The following ACOX3 variants were observed in gnomAD, a reference collection of about 807,000 sequenced individuals.
ACOX3 encodes the protein peroxisomal acyl-coenzyme A oxidase 3.
Under a neutral mutation model 81.5 loss-of-function variants are expected in ACOX3, and 73 were observed. The observed-to-expected ratio is 0.90, with a 90% CI of 0.74 to 1.09. ACOX3 has a LOEUF of 1.09. Among genes scored for constraint, ACOX3 ranks in the 50% least tolerant of loss-of-function variants. The pLI is 0.00. For synonymous variants in ACOX3, 387 were observed against 375.1 expected (o/e 1.03, Z -0.37); for missense variants, 947 against 928.0 (o/e 1.02, Z -0.27).
intron 1 of ACOX3, among the ~76,000 whole-genome samples, chr4:8,420,344 G>T (rs28527486): frequency 9.2e-5 from 14 of 152,232 alleles, no homozygotes; most frequent in African/African-American, 3.1e-4. Context: ...GTGCACCTTG[G>T]GGGTGATAAT....
chr4:8,377,468 A>G (rs1040213245), intron 14 of ACOX3, among the ~76,000 whole-genome samples: 1 of 152,066 alleles, frequency 6.6e-6, no homozygotes, highest in African/African-American at 2.4e-5. Flanking sequence ...TCGGCTCTGC[A>G]GCTCTGCGCG....
Position 8,416,397 on chromosome 4 carries a change from T to G in ACOX3, c.125A>C (p.Glu42Ala). 6.2e-7 allele frequency: 1 copy of G among 1,614,114 alleles called. No homozygotes were observed. The highest frequency in any genetic ancestry group is 8.5e-7 in the Non-Finnish European group (1 of 1,180,004). The change falls in exon 2 of 18, where the codon GAG becomes GCG. Residue 42 changes from glutamate to alanine, a missense_variant. Transcript: ENST00000356406. The surrounding 1 kb of genome is among the most constrained non-coding windows in gnomAD (Gnocchi z 4.2). ...WKELALFTEG[E>A]GMLRFKKTIF... is the part of the protein sequence containing the mutation. ...CCTCACCTTAAAGCGGAGCATGCCC[T>G]CCCCTTCCGTGAACAGCGCCAGCTC...
chr4:8,418,880 A>T lies in ACOX3; in HGVS notation c.-14-2345T>A, dbSNP rs145771756. ...GTCTCAAAGAAAACAAAACAAACAA[A>T]CAACAACAACAACAAAAACACAGAA... On this transcript the variant is annotated intron_variant, in intron 1 of 17. Coordinates refer to ENST00000356406, the MANE Select transcript of ACOX3 (RefSeq NM_003501.3). Among the ~76,000 whole-genome samples the T allele has an allele frequency of 2.3e-3, 349 of 152,246 alleles. 2 individuals are homozygous for T. Among genetic ancestry groups the T allele is most frequent in the South Asian group, 0.013 (64 of 4,830 alleles).
intron 15 of ACOX3, 53 bp downstream of exon 15, chr4:8,374,925 C>T (rs985068241): frequency 2.1e-6 from 3 of 1,451,798 alleles, no homozygotes; most frequent in Non-Finnish European, 2.7e-6. Flanking sequence ...CTAGATACAA[C>T]ACGGGGGCCC....
At chr4:8,379,889 G>C (rs531168985) in intron 14 of ACOX3, among the ~76,000 whole-genome samples, 1 of 152,248 alleles carries the variant, frequency 6.6e-6, no homozygotes, top group Admixed American at 6.5e-5. Context: ...GGGCTCAAGC[G>C]ATCTTCCTGC....
At chr4:8,373,655 G>A (rs1234046249) in intron 15 of ACOX3, 27 bp from the exon 16 acceptor site, 2 of 1,602,230 alleles carry the variant, frequency 1.2e-6, no homozygotes, top group East Asian at 4.5e-5. Context: ...GGTCACATGG[G>A]GGCTGGGTCC....
chr4:8,428,510 C>T (rs927233896), intron 1 of ACOX3: 1 of 152,320 alleles, frequency 6.6e-6, no homozygotes, highest in South Asian at 2.1e-4. Context: ...CCGCGGGCGC[C>T]CTGACGTCAT....
rs749894140 is a variant in ACOX3 at position 8,392,333 on chromosome 4, T to C, written c.1300A>G (p.Met434Val). 1 of 1,569,432 alleles carries C rather than the reference T, an allele frequency of 6.4e-7. No homozygotes were observed. The highest frequency in any genetic ancestry group is 8.6e-7 in the Non-Finnish European group (1 of 1,159,534). The change falls in exon 11 of 18, where the codon ATG (methionine) becomes GTG (valine). Residue 434 changes from methionine (M) to valine (V), a missense_variant and splice_region_variant. Coordinates refer to ENST00000356406, the MANE Select transcript of ACOX3 (RefSeq NM_003501.3). ...CACCATGCGCTTCTCCAAAACCTAC[T>C]GGCCAGATAGCCGTGTCCTCCACAC... ...EACGGHGYLAMNRLGVLRDDN... is the reference protein window; with the variant it reads ...EACGGHGYLAVNRLGVLRDDN...
chr4:8,427,135 A>C (rs1723568410), intron 1 of ACOX3, among the ~76,000 whole-genome samples: 1 of 152,174 alleles, frequency 6.6e-6, no homozygotes, highest in Non-Finnish European at 1.5e-5. Context: ...CTCACACCAG[A>C]CCAATCAGGT....
chr4:8,364,424 G>A (rs1199892143), downstream of ACOX3, among the ~76,000 whole-genome samples: 3 of 152,228 alleles, frequency 2.0e-5, no homozygotes, highest in East Asian at 5.8e-4. The surrounding 1 kb of genome is among the most constrained non-coding windows in gnomAD (Gnocchi z 5.0). Flanking sequence ...TTTCCAACAG[G>A]TGGATATGAA....
chr4:8,393,631 A>ACG (rs1553843527), intron 10 of ACOX3, among the ~76,000 whole-genome samples: 8 of 64,420 alleles, frequency 1.2e-4, no homozygotes, highest in African/African-American at 3.1e-4. Flanking sequence ...ACACACACAC[A>ACG]CACACGCACA....
intron 17 of ACOX3, among the ~76,000 whole-genome samples, chr4:8,369,910 C>A (rs190328076): frequency 6.6e-6 from 1 of 152,208 alleles, no homozygotes; most frequent in African/African-American, 2.4e-5. Flanking sequence ...TGAGCATTGA[C>A]ACGCCGAGTC....
intron 1 of ACOX3, among the ~76,000 whole-genome samples, chr4:8,436,564 T>G (rs1416024212): frequency 6.6e-6 from 1 of 152,112 alleles, no homozygotes; most frequent in Non-Finnish European, 1.5e-5. Context: ...AAGAGGCACT[T>G]CTGCAGAGGC....
At position 8,389,427 on chromosome 4, in the gene ACOX3, A is replaced by T; in HGVS notation, c.1424-141T>A. On this transcript the variant is annotated intron_variant, in intron 12 of 17. Transcript: ENST00000356406. The surrounding 1 kb of genome is among the most constrained non-coding windows in gnomAD (Gnocchi z 5.3). ...CCCACAGGCGAGGGTCTGGGTCTCA[A>T]GGACCCTCCCCACCCCAGCCTTTGC... 1 of 1,264,930 alleles carries T rather than the reference A, an allele frequency of 7.9e-7. No individual in the cohort carries two copies. The highest frequency in any genetic ancestry group is 1.1e-6 in the Non-Finnish European group (1 of 914,408). The allele number at this position is 1,264,930 out of a possible 1,614,324, so 78.4% of individuals were successfully genotyped here. A position where few individuals can be genotyped will look rare whatever the true frequency, so the allele number is the denominator to read the frequency against.
chr4:8,428,779 C>A (rs1482541360), intron 1 of ACOX3, among the ~76,000 whole-genome samples: 1 of 152,178 alleles, frequency 6.6e-6, no homozygotes, highest in Non-Finnish European at 1.5e-5. Flanking sequence ...CGGGCATTTT[C>A]AAATTAATCA....
chr4:8,396,582 C>T (rs1719713937), intron 9 of ACOX3, among the ~76,000 whole-genome samples: 1 of 150,078 alleles, frequency 6.7e-6, no homozygotes, highest in South Asian at 2.1e-4. Context: ...GAGGCTGAGA[C>T]ACGAGAATCA....
At chr4:8,357,743 C>T in the ACOX3 span, 2 of 212,032 alleles carry the variant, frequency 9.4e-6, no homozygotes, top group South Asian at 1.7e-4. Context: ...TGTGTGGGGG[C>T]TGCACCCTTG....
Position 8,431,163 on chromosome 4 carries a change from C to T in ACOX3, c.-15+9485G>A, listed in dbSNP as rs987462101. 9.2e-5 allele frequency among the ~76,000 whole-genome samples: 14 copies of T among 152,182 alleles called. No individual in the cohort carries two copies. Among genetic ancestry groups the T allele is most frequent in the African/African-American group, 3.1e-4 (13 of 41,446 alleles). On this transcript the variant is annotated intron_variant, in intron 1 of 17. Coordinates refer to ENST00000356406, the MANE Select transcript of ACOX3 (RefSeq NM_003501.3). This position sits in a 1 kb window ranked among gnomAD's most constrained non-coding sequence, Gnocchi z 5.3. ...TTCCAGCCTTGGCCAGGTCCTCAGG[C>T]TCCCCTCCCTTCTCTGCCTGTCCCT... is the stretch of plus-strand genomic sequence containing the variant.
chr4:8,427,437 C>T (rs1221165172), intron 1 of ACOX3, among the ~76,000 whole-genome samples: 2 of 152,196 alleles, frequency 1.3e-5, no homozygotes, highest in African/African-American at 4.8e-5. Flanking sequence ...GCAGACGCCC[C>T]GCTGACTTCC....
Sources: allele counts gnomAD v4.1 joint callset (sites outside exome capture counted in the v4.1 genomes callset), GRCh38; gene constraint gnomAD v4.1.1; non-coding constraint Gnocchi (gnomAD v3.1); transcripts MANE v1.5; gene names NCBI Gene and HGNC (gene_info 2026-07-23, HGNC 2026-07-21).